KCTD3: variants seen among roughly 807,000 people sequenced by gnomAD.
The protein encoded by KCTD3 is BTB/POZ domain-containing protein KCTD3.
KCTD3 carries 41 observed loss-of-function variants against 85.8 expected under a neutral mutation model. The observed-to-expected ratio is 0.48, with a 90% CI of 0.37 to 0.62. The LOEUF is 0.62. Among genes scored for constraint, KCTD3 ranks in the 20% least tolerant of loss-of-function variants. The pLI is 0.00. For missense variants in KCTD3, 724 were observed against 989.9 expected (o/e 0.73, Z 3.60); for synonymous variants, 338 against 345.4 (o/e 0.98, Z 0.24).
At chr1:215,585,493 GT>G (rs1228100927) in intron 8 of KCTD3, among the ~76,000 whole-genome samples, 1 of 152,138 alleles carries the variant, frequency 6.6e-6, no homozygotes, top group African/African-American at 2.4e-5. Context: ...GAATACCTAA[GT>G]TTGCTTTTTG....
intron 1 of KCTD3, among the ~76,000 whole-genome samples, chr1:215,570,538 C>T (rs1259852584): frequency 1.3e-5 from 2 of 152,150 alleles, no homozygotes; most frequent in Non-Finnish European, 2.9e-5. Flanking sequence ...TTCCAATTCC[C>T]AGGCTTTATC....
chr1:215,611,685 T>C, intron 14 of KCTD3, 140 bp from the exon 15 acceptor site: 1 of 548,460 alleles, frequency 1.8e-6, no homozygotes, highest in Non-Finnish European at 3.3e-6. Context: ...TTATTGCATG[T>C]CTGATGTTGA....
chr1:215,587,409 G>A (rs370629984), intron 9 of KCTD3, among the ~76,000 whole-genome samples: 9 of 152,212 alleles, frequency 5.9e-5, no homozygotes, highest in Non-Finnish European at 7.4e-5. Context: ...AATTACAGGC[G>A]TGAGCCACCA....
At position 215,595,663 on chromosome 1, in the gene KCTD3, T is replaced by C. The variant is rs151225147; in HGVS notation, c.933+192T>C. On this transcript the variant is annotated intron_variant, in intron 10 of 17. Transcript: ENST00000259154. ...CAAGAGTTTAAGTTACTTTGGAAAATAAGTGAGTTTTTTAAACTGTGGTTT... is the reference window on the plus strand; with the variant it reads ...CAAGAGTTTAAGTTACTTTGGAAAACAAGTGAGTTTTTTAAACTGTGGTTT... Among the ~76,000 whole-genome samples, 190 of 152,242 alleles carry C rather than the reference T, an allele frequency of 1.2e-3. 1 individual carries two copies. The highest frequency in any genetic ancestry group is 4.5e-3 in the African/African-American group (185 of 41,548).
At chr1:215,578,897 G>T in intron 6 of KCTD3, 103 bp from the exon 7 acceptor site, 2 of 661,640 alleles carry the variant, frequency 3.0e-6, no homozygotes, top group South Asian at 2.4e-5. Context: ...ATGTATTTCG[G>T]CTTTAATGAA....
At chr1:215,615,230 T>A (rs1410482668) in intron 15 of KCTD3, among the ~76,000 whole-genome samples, 1 of 152,204 alleles carries the variant, frequency 6.6e-6, no homozygotes, top group Admixed American at 6.6e-5. Context: ...TAAGGACAGT[T>A]CAGGCTCTTA....
chr1:215,591,287 T>C (rs970923657), intron 9 of KCTD3, among the ~76,000 whole-genome samples: 48 of 111,016 alleles, frequency 4.3e-4, no homozygotes, highest in African/African-American at 1.2e-3. Flanking sequence ...TCCTTCCTTC[T>C]TTCCTTCCTT....
chr1:215,591,649 C>T (rs557590815), intron 9 of KCTD3, among the ~76,000 whole-genome samples: 2 of 152,278 alleles, frequency 1.3e-5, no homozygotes, highest in African/African-American at 2.4e-5. Flanking sequence ...CCACCGCGCC[C>T]GGCCAGCAGC....
chr1:215,618,954 C>T lies in KCTD3; in HGVS notation c.1631C>T (p.Ser544Phe). 1 of 1,613,566 alleles carries T rather than the reference C, an allele frequency of 6.2e-7. No individual in the cohort carries two copies. Among genetic ancestry groups the T allele is most frequent in the Non-Finnish European group, 8.5e-7 (1 of 1,179,658 alleles). Residue 544 changes from serine to phenylalanine, a missense_variant, in exon 16 of 18, where the codon TCC becomes TTC. Coordinates refer to ENST00000259154, the MANE Select transcript of KCTD3 (RefSeq NM_016121.5). ...SSFTVRECEGSSRMGSRPRRY... is the reference protein window; with the variant it reads ...SSFTVRECEGFSRMGSRPRRY... The stretch of plus-strand genomic sequence containing the variant: ...TTTACAGTGAGGGAATGTGAGGGAT[C>T]CAGTAGGATGGGCTCAAGACCAAGG...
At position 215,613,590 on chromosome 1, in the gene KCTD3, T is replaced by G. The variant is rs570714784; in HGVS notation, c.1562+1669T>G. On this transcript the variant is annotated intron_variant, in intron 15 of 17. Coordinates refer to ENST00000259154, the MANE Select transcript of KCTD3 (RefSeq NM_016121.5). ...ATCTTTGCCAGGGCTGATGTCCAGG[T>G]TGATATTTCCTAGGTTTCCTTCTAG... Among the ~76,000 whole-genome samples the G allele has an allele frequency of 2.6e-5, 4 of 152,242 alleles. No individual in the cohort carries two copies. In the East Asian group the frequency reaches 7.7e-4, roughly 29 times the overall value.
At chr1:215,614,720 A>G (rs1057445458) in intron 15 of KCTD3, among the ~76,000 whole-genome samples, 1 of 152,154 alleles carries the variant, frequency 6.6e-6, no homozygotes, top group Non-Finnish European at 1.5e-5. Flanking sequence ...AGCCTTTGGC[A>G]GAGACTGTGG....
At chr1:215,594,187 T>A (rs1238487210) in intron 9 of KCTD3, among the ~76,000 whole-genome samples, 2 of 152,132 alleles carry the variant, frequency 1.3e-5, no homozygotes, top group Non-Finnish European at 2.9e-5. Context: ...GCTCAAGTGA[T>A]CATTGAAACA....
Position 215,611,931 on chromosome 1 carries a change from T to G in KCTD3, c.1562+10T>G. ...CATCGACTGGAAAAAGGTAACACTT[T>G]ATTGTAAAAATATTTGTATTCAGAA... is the stretch of plus-strand genomic sequence containing the variant. On this transcript the variant is annotated intron_variant, in intron 15 of 17. Coordinates refer to ENST00000259154, the MANE Select transcript of KCTD3 (RefSeq NM_016121.5). 38 of 1,552,238 alleles carry G rather than the reference T, an allele frequency of 2.4e-5. No individual in the cohort carries two copies. Among genetic ancestry groups the G allele is most frequent in the Non-Finnish European group, 3.3e-5 (37 of 1,126,166 alleles).
rs185261909 is a variant in KCTD3 at position 215,611,119 on chromosome 1, G to T, written c.1466-706G>T. Among the ~76,000 whole-genome samples, 876 of 151,882 alleles carry T rather than the reference G, an allele frequency of 5.8e-3. 7 individuals carry two copies. The highest frequency in any genetic ancestry group is 0.02 in the African/African-American group (833 of 41,482). On this transcript the variant is annotated intron_variant, in intron 14 of 17. Transcript: ENST00000259154. ...AAAAACTTTTTTTCTTTACATTGTT[G>T]TTCAGGATCTTTCTAAAATATAATG... is the stretch of plus-strand genomic sequence containing the variant.
intron 1 of KCTD3, among the ~76,000 whole-genome samples, chr1:215,572,552 A>G (rs1659406617): frequency 6.6e-6 from 1 of 152,208 alleles, no homozygotes; most frequent in South Asian, 2.1e-4. Flanking sequence ...CCCACTTAGA[A>G]GATGGGAATG....
intron 1 of KCTD3, 62 bp downstream of exon 1, chr1:215,567,830 G>C: frequency 9.2e-7 from 1 of 1,089,500 alleles, no homozygotes. Context: ...CTTTGGTGTC[G>C]ACGGGGACCG....
chr1:215,594,463 A>T (rs1660336828), intron 9 of KCTD3, among the ~76,000 whole-genome samples: 1 of 152,116 alleles, frequency 6.6e-6, no homozygotes, highest in Non-Finnish European at 1.5e-5. Context: ...GTTTGCTCTG[A>T]TTCCCTGAGC....
chr1:215,579,166 GA>G, intron 7 of KCTD3, 29 bp downstream of exon 7: 1 of 1,589,446 alleles, frequency 6.3e-7, no homozygotes. Flanking sequence ...AATAGAAAAA[GA>G]AAAATACGTA....
At chr1:215,597,528 C>T (rs1170232332) in intron 10 of KCTD3, among the ~76,000 whole-genome samples, 2 of 152,090 alleles carry the variant, frequency 1.3e-5, no homozygotes, top group East Asian at 3.8e-4. Context: ...TACTTTACTT[C>T]CTAAAGAATC....
Sources: allele counts gnomAD v4.1 joint callset (sites outside exome capture counted in the v4.1 genomes callset), GRCh38; gene constraint gnomAD v4.1.1; transcripts MANE v1.5; gene names NCBI Gene and HGNC (gene_info 2026-07-23, HGNC 2026-07-21).